NSD1: variants seen among roughly 807,000 people sequenced by gnomAD.
NSD1 encodes histone-lysine N-methyltransferase, H3 lysine-36 specific.
A neutral mutation model predicts 242.7 loss-of-function variants in NSD1; 26 were observed. The observed-to-expected ratio is 0.11, with a 90% CI of 0.08 to 0.15. The LOEUF (loss-of-function observed/expected upper bound fraction) is 0.15. NSD1 is among the 10% of genes least tolerant of loss of function. The pLI, the probability that NSD1 is intolerant of heterozygous loss-of-function variation, is 1.00. For synonymous variants in NSD1, 1,106 were observed against 1,178.1 expected (o/e 0.94, Z 1.25); for missense variants, 2,495 against 3,272.8 (o/e 0.76, Z 5.80).
chr5:177,238,364 C>T lies in NSD1; in HGVS notation c.4049C>T (p.Pro1350Leu), dbSNP rs2149887449. 6.2e-7 allele frequency: 1 copy of T among 1,613,930 alleles called. No homozygotes were observed. Among genetic ancestry groups the T allele is most frequent in the Non-Finnish European group, 8.5e-7 (1 of 1,179,936 alleles). ...EEPPVLEREA[P>L]FLEGPLAQSE... Reference sequence around the variant, plus strand: ...CCTCCAGTTCTTGAAAGGGAGGCTCCGTTTTTGGAGGGCCCCTTGGCTCAG... The same window carrying T: ...CCTCCAGTTCTTGAAAGGGAGGCTCTGTTTTTGGAGGGCCCCTTGGCTCAG... The change falls in exon 7 of 23, where the codon CCG (proline) becomes CTG (leucine). Residue 1350 changes from proline to leucine, a missense_variant. This residue lies in a region of NSD1 where 100 missense variants were observed against 190.7 expected (regional missense o/e 0.52). Transcript: ENST00000439151. The surrounding 1 kb of genome is among the most constrained non-coding windows in gnomAD (Gnocchi z 4.6).
chr5:177,182,225 G>C (rs562379093), intron 2 of NSD1, among the ~76,000 whole-genome samples: 1 of 152,194 alleles, frequency 6.6e-6, no homozygotes, highest in South Asian at 2.1e-4. Flanking sequence ...GCCAATGCTA[G>C]AGGACCGCTG....
intron 2 of NSD1, among the ~76,000 whole-genome samples, chr5:177,191,637 A>G (rs1241496636): frequency 1.3e-5 from 2 of 151,528 alleles, no homozygotes; most frequent in Non-Finnish European, 2.9e-5. Context: ...GCTTAATTTT[A>G]TTTTCAAAAT....
At chr5:177,164,931 G>A (rs994269789) in intron 2 of NSD1, among the ~76,000 whole-genome samples, 3 of 148,896 alleles carry the variant, frequency 2.0e-5, no homozygotes, top group Non-Finnish European at 3.0e-5. Flanking sequence ...TGAGAAGAGC[G>A]AAACTCTGTC....
At chr5:177,272,284 G>A (rs889739149) in intron 16 of NSD1, among the ~76,000 whole-genome samples, 10 of 152,088 alleles carry the variant, frequency 6.6e-5, no homozygotes, top group African/African-American at 2.4e-4. Context: ...TACCTCCTTA[G>A]AAGAACACAT....
chr5:177,190,043 C>T (rs930030801), intron 2 of NSD1, among the ~76,000 whole-genome samples: 33 of 152,050 alleles, frequency 2.2e-4, no homozygotes, highest in African/African-American at 7.2e-4. Flanking sequence ...ACTGTAGCCT[C>T]GAATTCTTGG....
At chr5:177,143,844 G>A (rs1489149972) in intron 2 of NSD1, among the ~76,000 whole-genome samples, 8 of 147,658 alleles carry the variant, frequency 5.4e-5, no homozygotes. Flanking sequence ...GTGCAAAATG[G>A]CACGATCTTG....
At chr5:177,171,181 C>T (rs1200497825) in intron 2 of NSD1, among the ~76,000 whole-genome samples, 2 of 151,922 alleles carry the variant, frequency 1.3e-5, no homozygotes, top group Admixed American at 6.6e-5. Context: ...TAGTAGTGCG[C>T]CTGTAGTCCC....
chr5:177,231,883 A>C (rs1765086646), intron 5 of NSD1, among the ~76,000 whole-genome samples: 1 of 152,074 alleles, frequency 6.6e-6, no homozygotes, highest in African/African-American at 2.4e-5. Flanking sequence ...AATGACATAT[A>C]ATCAGTTATA....
At chr5:177,208,479 CT>C (rs1171062454) in intron 4 of NSD1, among the ~76,000 whole-genome samples, 8 of 151,270 alleles carry the variant, frequency 5.3e-5, no homozygotes, top group South Asian at 4.2e-4. Context: ...CATCTTTAAC[CT>C]TTTTTTCTTT....
intron 2 of NSD1, among the ~76,000 whole-genome samples, chr5:177,179,495 G>T (rs1268201850): frequency 6.6e-6 from 1 of 152,202 alleles, no homozygotes; most frequent in Non-Finnish European, 1.5e-5. Context: ...GATTATAGGC[G>T]TGAGCCACTG....
At chr5:177,259,841 C>G in intron 13 of NSD1, 148 bp from the exon 14 acceptor site, 1 of 826,318 alleles carries the variant, frequency 1.2e-6, no homozygotes, top group Non-Finnish European at 1.9e-6. Context: ...CTTGATGGAT[C>G]GAGTGTTTAA....
rs1265488566 is a variant in NSD1, at chr5:177,209,904, G to C, written c.1505G>C (p.Ser502Thr). 1.2e-6 allele frequency: 2 copies of C among 1,614,118 alleles called. No homozygotes were observed. Among genetic ancestry groups the C allele is most frequent in the African/African-American group, 1.3e-5 (1 of 75,030 alleles). The stretch of plus-strand genomic sequence containing the variant: ...TGCGCTAAATCTCGAGCCAGAAAGA[G>C]CTCTGATAATCCAAAAAGGACTAGT... ...KPCAKSRARK[S>T]SDNPKRTSVK... The change falls in exon 5 of 23, where the codon AGC (serine) becomes ACC (threonine). Residue 502 changes from serine (S) to threonine (T), a missense_variant. Physicochemically the swap from Ser to Thr is moderately conservative, Grantham distance 58. Coordinates refer to ENST00000439151, the MANE Select transcript of NSD1 (RefSeq NM_022455.5).
intron 2 of NSD1, among the ~76,000 whole-genome samples, chr5:177,140,500 G>A (rs1756722082): frequency 6.6e-6 from 1 of 152,092 alleles, no homozygotes; most frequent in South Asian, 2.1e-4. Context: ...GGCAAGGTTA[G>A]GATGTAGGGT....
At chr5:177,268,006 G>A (rs1057341248) in intron 15 of NSD1, among the ~76,000 whole-genome samples, 2 of 147,428 alleles carry the variant, frequency 1.4e-5, no homozygotes, top group East Asian at 4.0e-4. Flanking sequence ...CAAGGCAGGC[G>A]CATTGTTAAC....
chr5:177,233,817 A>G (rs1023980444), intron 5 of NSD1, among the ~76,000 whole-genome samples: 1 of 152,152 alleles, frequency 6.6e-6, no homozygotes, highest in African/African-American at 2.4e-5. Flanking sequence ...AATTTTATCA[A>G]AAATAATGTT....
intron 21 of NSD1, 126 bp downstream of exon 21, chr5:177,289,051 G>T (rs779358760): frequency 9.0e-5 from 67 of 748,024 alleles, no homozygotes; most frequent in Non-Finnish European, 1.3e-4. Flanking sequence ...CAGGCATGGT[G>T]GCTCATGCCT....
intron 2 of NSD1, among the ~76,000 whole-genome samples, chr5:177,145,546 C>T (rs1757166788): frequency 6.6e-6 from 1 of 152,130 alleles, no homozygotes; most frequent in Non-Finnish European, 1.5e-5. Context: ...GCATGAGCCA[C>T]CTCAGCCGCG....
intron 2 of NSD1, among the ~76,000 whole-genome samples, chr5:177,150,219 C>T (rs746546936): frequency 2.6e-5 from 4 of 151,748 alleles, no homozygotes; most frequent in African/African-American, 4.8e-5. Context: ...CTGCAACCTC[C>T]GCCTCCCGAG....
chr5:177,299,165 T>G lies in NSD1; in HGVS notation c.*3706T>G. 4.3e-6 allele frequency: 1 copy of G among 233,282 alleles called. No individual in the cohort carries two copies. Among genetic ancestry groups the G allele is most frequent in the South Asian group, 1.8e-4 (1 of 5,522 alleles). 14.5% of individuals were successfully genotyped at this position (233,282 alleles called of 1,614,324 possible). On this transcript the variant is annotated 3_prime_UTR_variant, in exon 23 of 23. Transcript: ENST00000439151. ...GTAAATTGAAATAAGAATAGATCAT[T>G]GTTTTGTACACACACACAATAAAAT...
Sources: gnomAD v4.1 joint callset for allele counts (sites outside exome capture counted in the v4.1 genomes callset) on GRCh38, gnomAD v4.1.1 for gene constraint, gnomAD v4.1.1 regional missense constraint, Gnocchi (gnomAD v3.1) non-coding constraint, MANE v1.5 for transcripts, NCBI Gene and HGNC (gene_info 2026-07-23, HGNC 2026-07-21) for gene names.